Variants in MBP observed in about 807,000 individuals in gnomAD.
MBP encodes the protein myelin basic protein, also known as Golli-MBP.
A neutral mutation model predicts 35.8 loss-of-function variants in MBP; 16 were observed. The ratio of observed to expected loss-of-function variants is 0.45; its 90% CI spans 0.30 to 0.68. The LOEUF is 0.68. MBP is among the 30% of genes least tolerant of loss of function. MBP has a pLI of 0.08. For missense variants in MBP, 380 were observed against 404.7 expected (o/e 0.94, Z 0.52); for synonymous variants, 143 against 159.6 (o/e 0.90, Z 0.78).
At chr18:77,129,663 C>T (rs1164283526) in intron 1 of MBP, among the ~76,000 whole-genome samples, 2 of 152,358 alleles carry the variant, frequency 1.3e-5, no homozygotes, top group South Asian at 2.1e-4. Flanking sequence ...AGCTCCAGAG[C>T]TTCCTTCACG....
chr18:77,091,780 C>T (rs1436032465), intron 2 of MBP, among the ~76,000 whole-genome samples: 1 of 152,072 alleles, frequency 6.6e-6, no homozygotes, highest in Non-Finnish European at 1.5e-5. Flanking sequence ...ACACACACCA[C>T]ACACACATCC....
rs150361355 is a variant in MBP at position 77,007,251 on chromosome 18, A to T, written c.576+9581T>A. Reference sequence around the variant, plus strand: ...TTTCTTGCAATAATAAAGCATCCCAAAGTACCGGAGGAAGGCATTCTAACT... The same window carrying T: ...TTTCTTGCAATAATAAAGCATCCCATAGTACCGGAGGAAGGCATTCTAACT... On this transcript the variant is annotated intron_variant, in intron 4 of 8. Transcript: ENST00000355994. 3.3e-5 allele frequency among the ~76,000 whole-genome samples: 5 copies of T among 152,286 alleles called. No homozygotes were observed. In the South Asian group the frequency reaches 1.0e-3, roughly 32 times the overall value.
At chr18:77,022,009 C>T (rs771267711) in intron 3 of MBP, among the ~76,000 whole-genome samples, 3 of 152,136 alleles carry the variant, frequency 2.0e-5, no homozygotes, top group Non-Finnish European at 2.9e-5. Flanking sequence ...GGTGGGGTTG[C>T]TTTCCTTCTG....
At chr18:77,002,688 C>T (rs190122271) in intron 4 of MBP, among the ~76,000 whole-genome samples, 257 of 151,974 alleles carry the variant, frequency 1.7e-3, no homozygotes, top group East Asian at 9.6e-3. Flanking sequence ...GCAGAGGCTG[C>T]TAGCTGTCTA....
At chr18:77,086,885 C>G (rs943252437) in intron 2 of MBP, among the ~76,000 whole-genome samples, 8 of 152,142 alleles carry the variant, frequency 5.3e-5, no homozygotes, top group South Asian at 2.1e-4. Context: ...AAGCAGTATA[C>G]GCTCCTCTAA....
chr18:77,029,072 G>T (rs1198312290), intron 3 of MBP, among the ~76,000 whole-genome samples: 3 of 102,392 alleles, frequency 2.9e-5, no homozygotes, highest in African/African-American at 8.3e-5. Context: ...CTGGGAGGTG[G>T]AGGTTGTAGC....
At chr18:77,103,274 G>A (rs1029940615) in intron 2 of MBP, among the ~76,000 whole-genome samples, 8 of 152,140 alleles carry the variant, frequency 5.3e-5, no homozygotes, top group South Asian at 2.1e-4. Context: ...AGACCTCAGC[G>A]AAGAGGTCTG....
intron 3 of MBP, among the ~76,000 whole-genome samples, chr18:77,039,096 C>T (rs764037953): frequency 3.3e-5 from 5 of 152,184 alleles, no homozygotes; most frequent in Non-Finnish European, 5.9e-5. Context: ...TAAGGGTTCA[C>T]TGAAACACAG....
intron 3 of MBP, among the ~76,000 whole-genome samples, chr18:77,061,946 G>A (rs925758570): frequency 1.3e-5 from 2 of 152,188 alleles, no homozygotes; most frequent in Non-Finnish European, 2.9e-5. Flanking sequence ...TACATGCTGT[G>A]CACACAGGAC....
intron 3 of MBP, among the ~76,000 whole-genome samples, chr18:77,043,606 C>T (rs1310950310): frequency 1.3e-5 from 2 of 152,094 alleles, no homozygotes; most frequent in Admixed American, 6.5e-5. Context: ...GCAGCGTGGA[C>T]GTCTCTCTGC....
Position 76,988,885 on chromosome 18 carries a change from G to T in MBP, c.709C>A (p.Gln237Lys). ...IVTPRTPPPSQGKGRGLSLSR... is the reference protein window; with the variant it reads ...IVTPRTPPPSKGKGRGLSLSR... ...ACATTCCAAGGTCTTACCTTTCCCT[G>T]CGACGGGGGTGGTGTGCGAGGCGTC... The change falls in exon 6 of 9, where the codon CAG (glutamine) becomes AAG (lysine). Residue 237 changes from glutamine to lysine, a missense_variant. Physicochemically the swap from Gln to Lys is moderately conservative, Grantham distance 53 (BLOSUM62 1). Coordinates refer to ENST00000355994, the MANE Select transcript of MBP (RefSeq NM_001025101.2). This position sits in a 1 kb window ranked among gnomAD's most constrained non-coding sequence, Gnocchi z 5.2. The T allele has an allele frequency of 6.2e-7, 1 of 1,613,856 alleles. No individual in the cohort carries two copies. The highest frequency in any genetic ancestry group is 8.5e-7 in the Non-Finnish European group (1 of 1,179,830).
At chr18:77,103,226 T>G (rs1009353714) in intron 2 of MBP, among the ~76,000 whole-genome samples, 20 of 152,178 alleles carry the variant, frequency 1.3e-4, no homozygotes, top group Admixed American at 3.3e-4. Context: ...CCCCATTTCT[T>G]CCAAGTTTAT....
At chr18:77,054,912 A>T (rs1250242735) in intron 3 of MBP, among the ~76,000 whole-genome samples, 3 of 152,206 alleles carry the variant, frequency 2.0e-5, no homozygotes, top group Non-Finnish European at 4.4e-5. Flanking sequence ...ATTTCATATT[A>T]TCAGGAAAAT....
Position 77,105,286 on chromosome 18 carries a change from G to A in MBP, c.-25C>T, listed in dbSNP as rs879050829. The A allele has an allele frequency of 1.8e-5, 28 of 1,599,558 alleles. No individual in the cohort carries two copies. Among genetic ancestry groups the A allele is most frequent in the Non-Finnish European group, 2.3e-5 (27 of 1,167,664 alleles). ...TCCTGAATGGATTGGCTCTTCAGAG[G>A]CTAAAAGAGAAAGAGAAAGTGTCAG... On this transcript the variant is annotated splice_region_variant and 5_prime_UTR_variant, in exon 2 of 9. Coordinates refer to ENST00000355994, the MANE Select transcript of MBP (RefSeq NM_001025101.2).
intron 2 of MBP, among the ~76,000 whole-genome samples, chr18:77,103,968 C>G (rs73493042): frequency 6.6e-6 from 1 of 152,186 alleles, no homozygotes; most frequent in Non-Finnish European, 1.5e-5. Context: ...TCTTACTAGC[C>G]GGAAGGATTC....
intron 3 of MBP, among the ~76,000 whole-genome samples, chr18:77,028,846 C>T (rs1239074393): frequency 1.0e-5 from 1 of 95,460 alleles, no homozygotes; most frequent in African/African-American, 3.8e-5. Context: ...TCCTCACTTC[C>T]CAGATGTGAT....
chr18:77,006,864 G>T (rs1038028139), intron 4 of MBP: 2 of 152,404 alleles, frequency 1.3e-5, no homozygotes, highest in Non-Finnish European at 2.9e-5. Context: ...TGGTGTGTTT[G>T]CACAGAGAGA....
chr18:77,093,976 T>C (rs1401890792), intron 2 of MBP, among the ~76,000 whole-genome samples: 1 of 104,412 alleles, frequency 9.6e-6, no homozygotes, highest in African/African-American at 2.7e-5. Flanking sequence ...GGGTCTTTTT[T>C]TCTTCTTTTT....
In MBP at chr18:77,068,589, A is replaced by T. The variant is rs373840021; in HGVS notation, c.52-2204T>A. The stretch of plus-strand genomic sequence containing the variant: ...GTTGCCTGATTCTAGAATGACAAAT[A>T]GCAGCCAATTAAGGTGTTCACATTT... On this transcript the variant is annotated intron_variant, in intron 2 of 8. Coordinates refer to ENST00000355994, the MANE Select transcript of MBP (RefSeq NM_001025101.2). Among the ~76,000 whole-genome samples, 11 of 152,328 alleles carry T rather than the reference A, an allele frequency of 7.2e-5. No individual in the cohort carries two copies. In the East Asian group the frequency reaches 1.9e-3, roughly 27 times the overall value.
Sources: gnomAD v4.1 joint callset for allele counts (sites outside exome capture counted in the v4.1 genomes callset) on GRCh38, gnomAD v4.1.1 for gene constraint, Gnocchi (gnomAD v3.1) non-coding constraint, MANE v1.5 for transcripts, NCBI Gene and HGNC (gene_info 2026-07-23, HGNC 2026-07-21) for gene names.